Variants in ARHGEF1 observed in about 807,000 individuals in gnomAD.
ARHGEF1 encodes the protein 115 kDa guanine nucleotide exchange factor.
Under a neutral mutation model 119.7 loss-of-function variants are expected in ARHGEF1, and 40 were observed. The ratio of observed to expected loss-of-function variants is 0.33; its 90% CI spans 0.26 to 0.44. The LOEUF (loss-of-function observed/expected upper bound fraction) is 0.44, where lower values mean the gene tolerates loss of function less well. Ranked by LOEUF, ARHGEF1 falls within the 20% of genes least tolerant of loss-of-function variation. ARHGEF1 has a pLI of 1.00. For missense variants in ARHGEF1, 976 were observed against 1,268.3 expected (o/e 0.77, Z 3.50); for synonymous variants, 494 against 521.0 (o/e 0.95, Z 0.71).
In ARHGEF1 at chr19:41,902,723, G is replaced by A; in HGVS notation, c.1624-61G>A. 2 of 1,613,322 alleles carry A rather than the reference G, an allele frequency of 1.2e-6. No individual in the cohort carries two copies. Among genetic ancestry groups the A allele is most frequent in the Non-Finnish European group, 1.7e-6 (2 of 1,179,630 alleles). ...GGCCTGGAGACCCAGACTCCTAGGT[G>A]CCTGCGCCCTGGGGTGAGCCCAAAG... On this transcript the variant is annotated intron_variant, in intron 17 of 28. Transcript: ENST00000354532. This position sits in a 1 kb window ranked among gnomAD's most constrained non-coding sequence, Gnocchi z 6.5.
rs566376268 is a variant in ARHGEF1 at position 41,915,238 on chromosome 19, C to T, written c.1866-7854C>T. 4.0e-5 allele frequency among the ~76,000 whole-genome samples: 6 copies of T among 149,652 alleles called. No homozygotes were observed. In the South Asian group the frequency reaches 6.5e-4, roughly 16 times the overall value. On this transcript the variant is annotated intron_variant, in intron 18 of 20. Transcript: ENST00000599589. Reference sequence around the variant, plus strand: ...CTCCGGACACGTTATAACGAGGAGCCGTGGGATCGGCGCTCCGGGCCCTGC... The same window carrying T: ...CTCCGGACACGTTATAACGAGGAGCTGTGGGATCGGCGCTCCGGGCCCTGC...
Position 41,902,868 on chromosome 19 carries a change from C to T in ARHGEF1, c.1708C>T (p.Leu570=). ...GATGCAGCGGCTGACCAAGTACCCC[C>T]TGCTCCTGCAGAGCATCGGGCAGAA... ...TEMQRLTKYP[L]LLQSIGQNTE... The change falls in exon 18 of 29, where the codon CTG becomes TTG. Residue 570 remains leucine (L), a synonymous_variant. Coordinates refer to ENST00000354532, the MANE Select transcript of ARHGEF1 (RefSeq NM_004706.4). The surrounding 1 kb of genome is among the most constrained non-coding windows in gnomAD (Gnocchi z 6.5). 2 of 1,612,968 alleles carry T rather than the reference C, an allele frequency of 1.2e-6. No individual in the cohort carries two copies. The highest frequency in any genetic ancestry group is 1.7e-6 in the Non-Finnish European group (2 of 1,179,738).
At position 41,892,184 on chromosome 19, in the gene ARHGEF1, T is replaced by C; in HGVS notation, c.324+61T>C. 3 of 1,568,954 alleles carry C rather than the reference T, an allele frequency of 1.9e-6. No homozygotes were observed. The highest frequency in any genetic ancestry group is 1.1e-5 in the South Asian group (1 of 88,882). On this transcript the variant is annotated intron_variant, in intron 5 of 28. Transcript: ENST00000354532. This position sits in a 1 kb window ranked among gnomAD's most constrained non-coding sequence, Gnocchi z 6.3. ...CCTGTTTGGGCCTGCAGAGTCACCA[T>C]GCGGTCCCCAGCCTCTGCCCTGAGG...
In ARHGEF1 at chr19:41,888,023, T is replaced by G. The variant is rs782519828; in HGVS notation, c.-19-41T>G. The G allele has an allele frequency of 6.6e-5, 105 of 1,596,622 alleles. No individual in the cohort carries two copies. The highest frequency in any genetic ancestry group is 8.7e-5 in the Non-Finnish European group (102 of 1,173,078). On this transcript the variant is annotated intron_variant, in intron 1 of 28. Transcript: ENST00000354532. The surrounding 1 kb of genome is among the most constrained non-coding windows in gnomAD (Gnocchi z 5.1). ...CTGTGAGTAACCACCCTGGGCCGCC[T>G]CCTCCCACCCTCCTAACCACAGCCC...
At chr19:41,909,342 TG>T (rs1357938054), downstream of ARHGEF1, 1 of 1,235,006 alleles carries the variant, frequency 8.1e-7, no homozygotes, top group Non-Finnish European at 1.0e-6. The surrounding 1 kb of genome is among the most constrained non-coding windows in gnomAD (Gnocchi z 5.2). Flanking sequence ...TCAGCAAGAG[TG>T]GGGAGCCAGT....
At position 41,917,621 on chromosome 19, in the gene ARHGEF1, A is replaced by G. The variant is rs1335432879; in HGVS notation, c.1866-5471A>G. ...ACCCTTCTGCCACCGCCGCCCCCGC[A>G]TGCACACACCATGCCCCAAAGCACA... On this transcript the variant is annotated intron_variant, in intron 18 of 20. Transcript: ENST00000599589. This position sits in a 1 kb window ranked among gnomAD's most constrained non-coding sequence, Gnocchi z 4.8. 1.3e-5 allele frequency among the ~76,000 whole-genome samples: 2 copies of G among 151,694 alleles called. No individual in the cohort carries two copies. Among genetic ancestry groups the G allele is most frequent in the Non-Finnish European group, 2.9e-5 (2 of 67,916 alleles).
rs968211890 is a variant in ARHGEF1 at position 41,889,455 on chromosome 19, C to T, written c.225+590C>T. The T allele has an allele frequency of 2.6e-5, 4 of 152,318 alleles. No individual in the cohort carries two copies. The highest frequency in any genetic ancestry group is 9.7e-5 in the African/African-American group (4 of 41,436). 9.4% of individuals were successfully genotyped at this position (152,318 alleles called of 1,614,324 possible). On this transcript the variant is annotated intron_variant, in intron 4 of 28. Coordinates refer to ENST00000354532, the MANE Select transcript of ARHGEF1 (RefSeq NM_004706.4). This position sits in a 1 kb window ranked among gnomAD's most constrained non-coding sequence, Gnocchi z 4.0. Reference sequence around the variant, plus strand: ...TACCTGGGAGATGTGGATGGACAACCGTGCCATCCAGAAACACCCGCAGAG... The same window carrying T: ...TACCTGGGAGATGTGGATGGACAACTGTGCCATCCAGAAACACCCGCAGAG...
rs199601441 is a variant in ARHGEF1, at chr19:41,902,780, G to C, written c.1624-4G>C. 15 of 1,612,946 alleles carry C rather than the reference G, an allele frequency of 9.3e-6. No homozygotes were observed. The East Asian group carries it at 2.4e-4, about 26-fold the overall frequency. On this transcript the variant is annotated splice_polypyrimidine_tract_variant and splice_region_variant and intron_variant, in intron 17 of 28. Transcript: ENST00000354532. The surrounding 1 kb of genome is among the most constrained non-coding windows in gnomAD (Gnocchi z 6.5). ...CCATCGCAACACCAGCATGTTTCCC[G>C]CAGGAAGCTGAGAGCCGCCCGCGGT...
chr19:41,894,123 A>AGT (rs782565114), intron 8 of ARHGEF1, 84 bp from the exon 9 acceptor site: 10,802 of 649,954 alleles, frequency 0.017, 94 homozygotes, highest in Non-Finnish European at 0.018. Flanking sequence ...AGAGAGAGAG[A>AGT]GTGTGTGTGT....
rs1165318776 is a variant in ARHGEF1 at position 41,883,245 on chromosome 19, G to T, written c.-64G>T. 3 of 201,326 alleles carry T rather than the reference G, an allele frequency of 1.5e-5. No individual in the cohort carries two copies. The highest frequency in any genetic ancestry group is 3.7e-4 in the East Asian group (2 of 5,388). The allele number at this position is 201,326 out of a possible 1,614,324, so 12.5% of individuals were successfully genotyped here. A position where few individuals can be genotyped will look rare whatever the true frequency, so the allele number is the denominator to read the frequency against. ...GGGACCCAGGGCCCGGGATCGCCGA[G>T]CCCGACCTCGGGCGCCCCGCCGGTC... On this transcript the variant is annotated 5_prime_UTR_variant, in exon 1 of 29. Coordinates refer to ENST00000354532, the MANE Select transcript of ARHGEF1 (RefSeq NM_004706.4). The surrounding 1 kb of genome is among the most constrained non-coding windows in gnomAD (Gnocchi z 7.6).
At chr19:41,887,860 C>T (rs541457892) in intron 1 of ARHGEF1, among the ~76,000 whole-genome samples, 3 of 152,344 alleles carry the variant, frequency 2.0e-5, no homozygotes, top group South Asian at 2.1e-4. Flanking sequence ...CGCCTGCCCC[C>T]GCAAGGCTCC....
chr19:41,898,063 C>G, intron 13 of ARHGEF1: 1 of 1,351,788 alleles, frequency 7.4e-7, no homozygotes, highest in Non-Finnish European at 9.5e-7. Flanking sequence ...GCGACGTGGA[C>G]ATGGACCCCA....
At chr19:41,894,352 G>A (rs552631968) in intron 9 of ARHGEF1, 46 bp downstream of exon 9, 10 of 1,512,588 alleles carry the variant, frequency 6.6e-6, no homozygotes, top group East Asian at 2.3e-5. Context: ...CTCCAGAGAC[G>A]CCCTGGGAGC....
In ARHGEF1 at chr19:41,902,581, T is replaced by A. The variant is rs1417979203; in HGVS notation, c.1546T>A (p.Cys516Ser). 6.2e-7 allele frequency: 1 copy of A among 1,614,092 alleles called. No individual in the cohort carries two copies. The highest frequency in any genetic ancestry group is 8.5e-7 in the Non-Finnish European group (1 of 1,180,052). Reference protein sequence around the residue: ...SWFQKISSRFCSRQSFALEQL... With the variant: ...SWFQKISSRFSSRQSFALEQL... Reference sequence around the variant, plus strand: ...GTTCCAGAAAATCTCCTCCCGCTTCTGCAGCCGCCAGTCATTTGCCTTAGA... The same window carrying A: ...GTTCCAGAAAATCTCCTCCCGCTTCAGCAGCCGCCAGTCATTTGCCTTAGA... The change falls in exon 17 of 29, where the codon TGC becomes AGC. Residue 516 changes from cysteine (C) to serine (S), a missense_variant. Around this residue, in one of 3 missense-constraint regions of ARHGEF1, gnomAD observed 286 missense variants for 506.8 expected, o/e 0.56. Coordinates refer to ENST00000354532, the MANE Select transcript of ARHGEF1 (RefSeq NM_004706.4). This position sits in a 1 kb window ranked among gnomAD's most constrained non-coding sequence, Gnocchi z 6.5.
In ARHGEF1 at chr19:41,916,021, C is replaced by G. The variant is rs185277921; in HGVS notation, c.1866-7071C>G. 4.3e-3 allele frequency among the ~76,000 whole-genome samples: 660 copies of G among 152,156 alleles called. 4 individuals carry two copies. The highest frequency in any genetic ancestry group is 7.4e-3 in the Non-Finnish European group (503 of 67,990). ...ATTTTATTTTGCTTCCTCCACCCCC[C>G]CTTCGCCCCCCATCTCTACCGCCCG... On this transcript the variant is annotated intron_variant, in intron 18 of 20. Transcript: ENST00000599589. This position sits in a 1 kb window ranked among gnomAD's most constrained non-coding sequence, Gnocchi z 5.4.
At chr19:41,915,995 A>T (rs1555851925) in intron 18 of ARHGEF1, among the ~76,000 whole-genome samples, 2 of 147,684 alleles carry the variant, frequency 1.4e-5, no homozygotes, top group Admixed American at 6.7e-5. Flanking sequence ...TTTAATTTTT[A>T]ATTTTATTTT....
chr19:41,904,606 AAGG>A lies in ARHGEF1; in HGVS notation c.2161+226_2161+228del, dbSNP rs1386359149. ...GCACAGAGGCGTGTCTTGTGTAAAC[AAGG>A]AGAAGAAAGGCCAGGAGTCCAGTGA... On this transcript the variant is annotated intron_variant, in intron 22 of 28. Transcript: ENST00000354532. The surrounding 1 kb of genome is among the most constrained non-coding windows in gnomAD (Gnocchi z 8.4). 3.9e-5 allele frequency among the ~76,000 whole-genome samples: 6 copies of A among 152,142 alleles called. No homozygotes were observed. Among genetic ancestry groups the A allele is most frequent in the African/African-American group, 9.7e-5 (4 of 41,424 alleles).
intron 1 of ARHGEF1, 64 bp from the exon 2 acceptor site, chr19:41,887,998 CTG>C (rs2074320572): frequency 6.5e-7 from 1 of 1,538,510 alleles, no homozygotes; most frequent in African/African-American, 1.4e-5. Context: ...GGCCAGGAAT[CTG>C]TGAGTAACCA....
chr19:41,913,437 C>A (rs2074766533), intron 18 of ARHGEF1, among the ~76,000 whole-genome samples: 1 of 151,886 alleles, frequency 6.6e-6, no homozygotes, highest in African/African-American at 2.4e-5. Context: ...CCACACCCGC[C>A]CCACCCGGAC....
Sources: allele counts gnomAD v4.1 joint callset (sites outside exome capture counted in the v4.1 genomes callset), GRCh38; gene constraint gnomAD v4.1.1; regional missense constraint gnomAD v4.1.1; non-coding constraint Gnocchi (gnomAD v3.1); transcripts MANE v1.5; gene names NCBI Gene and HGNC (gene_info 2026-07-23, HGNC 2026-07-21).